The following CHD3 variants were observed in gnomAD, a reference collection of about 807,000 sequenced individuals.
CHD3 encodes the protein ATP-dependent chromatin remodeler CHD3.
Under a neutral mutation model 248.9 loss-of-function variants are expected in CHD3, and 52 were observed. The observed-to-expected ratio is 0.21, with a 90% confidence interval of 0.17 to 0.26. CHD3 has a LOEUF of 0.26. Among genes scored for constraint, CHD3 ranks in the 10% least tolerant of loss-of-function variants. The pLI, the probability that CHD3 is intolerant of heterozygous loss-of-function variation, is 1.00. For synonymous variants in CHD3, 985 were observed against 985.2 expected (o/e 1.00, Z 0.00); for missense variants, 1,482 against 2,605.8 (o/e 0.57, Z 9.39).
rs1666368861 is a variant in CHD3, at chr17:7,911,300, A to G, written c.5882-164A>G. 1.3e-5 allele frequency among the ~76,000 whole-genome samples: 2 copies of G among 152,254 alleles called. No homozygotes were observed. Among genetic ancestry groups the G allele is most frequent in the Admixed American group, 1.3e-4 (2 of 15,288 alleles). On this transcript the variant is annotated intron_variant, in intron 39 of 39. Transcript: ENST00000330494. This position sits in a 1 kb window ranked among gnomAD's most constrained non-coding sequence, Gnocchi z 5.4. ...GAACATGTGTTCAATCATGTAGCACAAAGTGGAATCTCAGGGAAAGGGGTT... is the reference window on the plus strand; with the variant it reads ...GAACATGTGTTCAATCATGTAGCACGAAGTGGAATCTCAGGGAAAGGGGTT...
Position 7,899,273 on chromosome 17 carries a change from G to T in CHD3, c.2344-70G>T. On this transcript the variant is annotated intron_variant, in intron 14 of 39. Transcript: ENST00000330494. This position sits in a 1 kb window ranked among gnomAD's most constrained non-coding sequence, Gnocchi z 6.8. ...GTGGGGAGGGGGAAGATAAAGGGGTGTAGCTGGCAGAGGACTAGGGTATAC... is the reference window on the plus strand; with the variant it reads ...GTGGGGAGGGGGAAGATAAAGGGGTTTAGCTGGCAGAGGACTAGGGTATAC... 6.2e-7 allele frequency: 1 copy of T among 1,601,514 alleles called. No homozygotes were observed. The highest frequency in any genetic ancestry group is 8.6e-7 in the Non-Finnish European group (1 of 1,169,548).
rs745992945 is a variant in CHD3 at position 7,890,610 on chromosome 17, C to T, written c.253C>T (p.Arg85Trp). Residue 85 changes from arginine to tryptophan, a missense_variant, in exon 3 of 40, where the codon CGG becomes TGG. Physicochemically the swap from Arg to Trp is moderately radical, Grantham distance 101 (BLOSUM62 -3). Transcript: ENST00000330494. ...EEFGSERDEY[R>W]EKSESGGSEY... ...ATTTGGTTCTGAGCGAGATGAGTAC[C>T]GGGAGAAGTCAGAGAGTGGGGGCAG... The T allele has an allele frequency of 1.7e-5, 27 of 1,603,832 alleles. No homozygotes were observed. Among genetic ancestry groups the T allele is most frequent in the Non-Finnish European group, 2.3e-5 (27 of 1,177,212 alleles).
rs773301679 is a variant in CHD3 at position 7,909,179 on chromosome 17, C to T, written c.5431C>T (p.Arg1811Trp). ...GGCGCTGGTGATTGAGGAGCAGCTG[C>T]GGCGGGCGGCCTACCTGAACCTGTC... ...EQALVIEEQLRRAAYLNLSQE... is the reference protein window; with the variant it reads ...EQALVIEEQLWRAAYLNLSQE... The change falls in exon 37 of 40, where the codon CGG becomes TGG. Residue 1811 changes from arginine (R) to tryptophan (W), a missense_variant. Physicochemically the swap from Arg to Trp is moderately radical, Grantham distance 101. Around this residue, in one of 20 missense-constraint regions of CHD3, gnomAD observed 83 missense variants for 181.0 expected, o/e 0.46. Coordinates refer to ENST00000330494, the MANE Select transcript of CHD3 (RefSeq NM_001005273.3). This position sits in a 1 kb window ranked among gnomAD's most constrained non-coding sequence, Gnocchi z 8.1. 1.3e-6 allele frequency: 2 copies of T among 1,550,030 alleles called. No homozygotes were observed. The highest frequency in any genetic ancestry group is 1.2e-5 in the South Asian group (1 of 84,142).
chr17:7,907,498 T>C lies in CHD3; in HGVS notation c.4924+10T>C, dbSNP rs1971123197. 1 of 1,579,768 alleles carries C rather than the reference T, an allele frequency of 6.3e-7. No individual in the cohort carries two copies. The highest frequency in any genetic ancestry group is 8.6e-7 in the Non-Finnish European group (1 of 1,165,728). On this transcript the variant is annotated intron_variant, in intron 32 of 39. Transcript: ENST00000330494. The surrounding 1 kb of genome is among the most constrained non-coding windows in gnomAD (Gnocchi z 4.3). ...GACAGAGAGAAGTCAGGTGGGTGCA[T>C]GGCCTTAGGAGTGATGGGGGATTAG...
intron 2 of CHD3, chr17:7,890,343 C>G: frequency 2.7e-6 from 1 of 377,098 alleles, no homozygotes; most frequent in Non-Finnish European, 4.8e-6. Context: ...GCAGGAGAAT[C>G]GCTTGAACCC....
In CHD3 at chr17:7,906,923, G is replaced by T; in HGVS notation, c.4558G>T (p.Asp1520Tyr). 6.2e-7 allele frequency: 1 copy of T among 1,614,114 alleles called. No homozygotes were observed. The change falls in exon 30 of 40, where the codon GAC becomes TAC. Residue 1520 changes from aspartate (D) to tyrosine (Y), a missense_variant. By Grantham distance (160) the Asp-to-Tyr change is radical. This residue lies in a region of CHD3 where 254 missense variants were observed against 266.7 expected (regional missense o/e 0.95). Coordinates refer to ENST00000330494, the MANE Select transcript of CHD3 (RefSeq NM_001005273.3). The surrounding 1 kb of genome is among the most constrained non-coding windows in gnomAD (Gnocchi z 5.0). ...GRWSMPELMP[D>Y]PSADSKRSSR... ...TTGGTCAATGCCGGAACTGATGCCT[G>T]ACCCCAGCGCCGATTCTAAGCGCTC...
chr17:7,903,339 C>G lies in CHD3; in HGVS notation c.3563C>G (p.Ala1188Gly), dbSNP rs769694017. 5.0e-6 allele frequency: 8 copies of G among 1,614,148 alleles called. No homozygotes were observed. Among genetic ancestry groups the G allele is most frequent in the Non-Finnish European group, 6.8e-6 (8 of 1,180,030 alleles). ...ATGATTTACCGGTTTGTGACTCGCG[C>G]GTCAGTGGAAGAGCGAATCACACAA... is the stretch of plus-strand genomic sequence containing the variant. Reference protein sequence around the residue: ...KVMIYRFVTRASVEERITQVA... With the variant: ...KVMIYRFVTRGSVEERITQVA... Residue 1188 changes from alanine to glycine, a missense_variant, in exon 23 of 40, where the codon GCG becomes GGG. Around this residue, in one of 20 missense-constraint regions of CHD3, gnomAD observed 156 missense variants for 420.3 expected, o/e 0.37. Transcript: ENST00000330494. The surrounding 1 kb of genome is among the most constrained non-coding windows in gnomAD (Gnocchi z 6.8).
rs903794624 is a variant in CHD3 at position 7,908,832 on chromosome 17, G to C, written c.5394+3G>C. 6.2e-7 allele frequency: 1 copy of C among 1,614,084 alleles called. No individual in the cohort carries two copies. Among genetic ancestry groups the C allele is most frequent in the South Asian group, 1.1e-5 (1 of 91,066 alleles). On this transcript the variant is annotated splice_donor_region_variant and intron_variant, in intron 36 of 39. Coordinates refer to ENST00000330494, the MANE Select transcript of CHD3 (RefSeq NM_001005273.3). This position sits in a 1 kb window ranked among gnomAD's most constrained non-coding sequence, Gnocchi z 5.8. ...AGTTCCTGGCCCGGAGGTTCAAGGTGGGAATGAGGGAGGAAAGGAGCGGGT... is the reference window on the plus strand; with the variant it reads ...AGTTCCTGGCCCGGAGGTTCAAGGTCGGAATGAGGGAGGAAAGGAGCGGGT...
chr17:7,892,284 A>G (rs1466893129), intron 4 of CHD3, among the ~76,000 whole-genome samples: 1 of 152,168 alleles, frequency 6.6e-6, no homozygotes, highest in East Asian at 1.9e-4. Flanking sequence ...ACTCCGTCCT[A>G]CGGAAGCCCA....
chr17:7,886,533 C>T (rs2151425690), upstream of CHD3, among the ~76,000 whole-genome samples: 1 of 152,116 alleles, frequency 6.6e-6, no homozygotes. The surrounding 1 kb of genome is among the most constrained non-coding windows in gnomAD (Gnocchi z 4.2). Flanking sequence ...TTTGGGGGAG[C>T]GGGGGGTGCT....
rs145746966 is a variant in CHD3, at chr17:7,897,893, G to T, written c.1920-78G>T. On this transcript the variant is annotated intron_variant, in intron 11 of 39. Transcript: ENST00000330494. The surrounding 1 kb of genome is among the most constrained non-coding windows in gnomAD (Gnocchi z 4.8). ...ATTTTGTGTGTTTGCTGATAATTGC[G>T]TTTCTCAGGCCTTCTTTCTGTTTGT... The T allele has an allele frequency of 1.3e-6, 2 of 1,481,608 alleles. No individual in the cohort carries two copies. Among genetic ancestry groups the T allele is most frequent in the African/African-American group, 2.8e-5 (2 of 71,100 alleles). 91.8% of individuals were successfully genotyped at this position (1,481,608 alleles called of 1,614,324 possible).
chr17:7,888,934 GA>G lies in CHD3; in HGVS notation c.-65del. On this transcript the variant is annotated 5_prime_UTR_variant, in exon 1 of 40. It removes the in-frame stop codon of an upstream open reading frame in the 5' UTR. Transcript: ENST00000330494. ...GGAGCAGGGAGATGGGAATAGAATTGAAGGTAGGTTTTAGGCTACTTGGGAG... is the reference window on the plus strand; with the variant it reads ...GGAGCAGGGAGATGGGAATAGAATTGAGGTAGGTTTTAGGCTACTTGGGAG... The G allele has an allele frequency of 2.5e-6, 4 of 1,609,978 alleles. No individual in the cohort carries two copies. Among genetic ancestry groups the G allele is most frequent in the Non-Finnish European group, 3.4e-6 (4 of 1,177,600 alleles).
At position 7,900,187 on chromosome 17, in the gene CHD3, C is replaced by A; in HGVS notation, c.2683-103C>A. 6.4e-7 allele frequency: 1 copy of A among 1,563,808 alleles called. No individual in the cohort carries two copies. Among genetic ancestry groups the A allele is most frequent in the Non-Finnish European group, 8.7e-7 (1 of 1,147,012 alleles). On this transcript the variant is annotated intron_variant, in intron 16 of 39. Transcript: ENST00000330494. The surrounding 1 kb of genome is among the most constrained non-coding windows in gnomAD (Gnocchi z 6.5). ...GGGCCAGAGATTTGGGGCCTCTGAT[C>A]CTGAGTGAAATGGGAGCTGGGGCAG...
rs1969540026 is a variant in CHD3, at chr17:7,895,692, T to C, written c.1707+150T>C. The C allele has an allele frequency of 1.5e-6, 1 of 669,376 alleles. No homozygotes were observed. The highest frequency in any genetic ancestry group is 2.6e-6 in the Non-Finnish European group (1 of 390,184). The allele number at this position is 669,376 out of a possible 1,614,324, so 41.5% of individuals were successfully genotyped here. ...TCATACCCTACTTGCTTAGTTTCCATATGTGGTTCTTTTGGTCTACAGTCC... is the reference window on the plus strand; with the variant it reads ...TCATACCCTACTTGCTTAGTTTCCACATGTGGTTCTTTTGGTCTACAGTCC... On this transcript the variant is annotated intron_variant, in intron 10 of 39. Transcript: ENST00000330494. The surrounding 1 kb of genome is among the most constrained non-coding windows in gnomAD (Gnocchi z 4.9).
chr17:7,892,337 A>G (rs867644068), intron 4 of CHD3, among the ~76,000 whole-genome samples: 1 of 152,220 alleles, frequency 6.6e-6, no homozygotes, highest in African/African-American at 2.4e-5. Context: ...GCAGAGAATC[A>G]TAGCAACTCA....
intron 12 of CHD3, 51 bp from the exon 13 acceptor site, chr17:7,898,445 A>G: frequency 7.5e-7 from 1 of 1,341,852 alleles, no homozygotes; most frequent in Non-Finnish European, 1.1e-6. Context: ...CAGAAAAGAA[A>G]GCGTAGGACT....
chr17:7,910,676 A>G lies in CHD3; in HGVS notation c.5754+85A>G. 6.6e-7 allele frequency: 1 copy of G among 1,525,822 alleles called. No individual in the cohort carries two copies. The highest frequency in any genetic ancestry group is 1.3e-5 in the South Asian group (1 of 79,998). The allele number at this position is 1,525,822 out of a possible 1,614,324, so 94.5% of individuals were successfully genotyped here. A position where few individuals can be genotyped will look rare whatever the true frequency, so the allele number is the denominator to read the frequency against. On this transcript the variant is annotated intron_variant, in intron 38 of 39. Transcript: ENST00000330494. This position sits in a 1 kb window ranked among gnomAD's most constrained non-coding sequence, Gnocchi z 4.7. ...AAACACTTCCATCAGAATCCTATAC[A>G]ATATGGAAAAACAACTTGCTAGAAC...
Position 7,891,409 on chromosome 17 carries a change from C to T in CHD3, c.509+345C>T, listed in dbSNP as rs557660969. ...CTCTGTGACTTCTCTCTAGACTGGA[C>T]CTGAGAGATACCATCAGTGTTCCTG... On this transcript the variant is annotated intron_variant, in intron 4 of 39. Coordinates refer to ENST00000330494, the MANE Select transcript of CHD3 (RefSeq NM_001005273.3). Among the ~76,000 whole-genome samples the T allele has an allele frequency of 5.1e-4, 78 of 152,324 alleles. 1 individual carries two copies. The highest frequency in any genetic ancestry group is 1.7e-3 in the African/African-American group (72 of 41,576).
chr17:7,891,002 T>C lies in CHD3; in HGVS notation c.447T>C (p.His149=), dbSNP rs761482758. The change falls in exon 4 of 40, where the codon CAT becomes CAC. Residue 149 remains histidine, a synonymous_variant. Transcript: ENST00000330494. ...LLTWGLEDVE[H]VFSEEDYHTL... ...CCTGGGGCCTGGAGGATGTGGAGCA[T>C]GTGTTCTCTGAGGAGGATTACCACA... The C allele has an allele frequency of 2.5e-6, 4 of 1,614,100 alleles. No homozygotes were observed.
Sources: allele counts gnomAD v4.1 joint callset (sites outside exome capture counted in the v4.1 genomes callset), GRCh38; gene constraint gnomAD v4.1.1; regional missense constraint gnomAD v4.1.1; non-coding constraint Gnocchi (gnomAD v3.1); transcripts MANE v1.5; gene names NCBI Gene and HGNC (gene_info 2026-07-23, HGNC 2026-07-21).